IL1RAPL2: variants seen among roughly 807,000 people sequenced by gnomAD.
The protein encoded by IL1RAPL2 is interleukin 1 receptor accessory protein like 2.
A neutral mutation model predicts 44.1 loss-of-function variants in IL1RAPL2; 3 were observed. The ratio of observed to expected loss-of-function variants is 0.07; its 90% CI spans 0.03 to 0.18. The LOEUF (loss-of-function observed/expected upper bound fraction) is 0.18, where lower values mean the gene tolerates loss of function less well. Among genes scored for constraint, IL1RAPL2 ranks in the 10% least tolerant of loss-of-function variants. The pLI is 1.00. For synonymous variants in IL1RAPL2, 181 were observed against 178.8 expected (o/e 1.01, Z -0.10); for missense variants, 391 against 496.4 (o/e 0.79, Z 2.02).
At chrX:105,443,954 C>T (rs1226180093) in intron 5 of IL1RAPL2, among the ~76,000 whole-genome samples, 1 of 112,042 alleles carries the variant, frequency 8.9e-6, no homozygotes, top group African/African-American at 3.2e-5. Context: ...TTTACATTTC[C>T]ACCAACAGTG....
At chrX:104,878,848 G>A (rs938566665) in intron 2 of IL1RAPL2, among the ~76,000 whole-genome samples, 7 of 109,335 alleles carry the variant, frequency 6.4e-5, no homozygotes, top group African/African-American at 2.3e-4. Flanking sequence ...CTTTTTTTTT[G>A]AATGAACAAA....
intron 2 of IL1RAPL2, among the ~76,000 whole-genome samples, chrX:105,001,397 C>T (rs2030848684): frequency 9.0e-6 from 1 of 111,187 alleles, no homozygotes; most frequent in Non-Finnish European, 1.9e-5. Flanking sequence ...GAGAGTCATT[C>T]TCTTTTGGCC....
intron 3 of IL1RAPL2, among the ~76,000 whole-genome samples, chrX:105,223,019 G>T (rs781887260): frequency 9.1e-6 from 1 of 110,315 alleles, no homozygotes; most frequent in Non-Finnish European, 1.9e-5. Flanking sequence ...GCGTAATGGC[G>T]CACGCCTGTA....
At chrX:105,461,687 A>G (rs1169086206) in intron 5 of IL1RAPL2, among the ~76,000 whole-genome samples, 2 of 111,612 alleles carry the variant, frequency 1.8e-5, no homozygotes, top group Non-Finnish European at 3.8e-5. Flanking sequence ...TTCAGAGAAC[A>G]ATCCTATCCT....
At chrX:104,611,384 C>T (rs778300863) in intron 1 of IL1RAPL2, among the ~76,000 whole-genome samples, 1 of 111,113 alleles carries the variant, frequency 9.0e-6, no homozygotes, top group East Asian at 2.9e-4. Context: ...AGGCAGTTGG[C>T]CTTGCTGAGC....
At position 104,946,298 on chromosome X, in the gene IL1RAPL2, G is replaced by A. The variant is rs1378620670; in HGVS notation, c.83-249177G>A. ...TGAGGCAGGAGAATGGCGTGAACCCGGGAAGCGGAGCTTGCAGTGAGCCGA... is the reference window on the plus strand; with the variant it reads ...TGAGGCAGGAGAATGGCGTGAACCCAGGAAGCGGAGCTTGCAGTGAGCCGA... On this transcript the variant is annotated intron_variant, in intron 2 of 10. Transcript: ENST00000372582. Among the ~76,000 whole-genome samples the A allele has an allele frequency of 3.3e-4, 30 of 89,801 alleles. 1 individual carries two copies. Among genetic ancestry groups the A allele is most frequent in the Admixed American group, 2.3e-3 (17 of 7,455 alleles). 78.0% of individuals were successfully genotyped at this position (89,801 alleles called of 115,157 possible).
At chrX:104,895,456 T>G (rs1280205155) in intron 2 of IL1RAPL2, among the ~76,000 whole-genome samples, 1 of 112,588 alleles carries the variant, frequency 8.9e-6, no homozygotes, top group East Asian at 2.8e-4. Flanking sequence ...CCTGGCCACT[T>G]TGTTTACCTA....
chrX:105,219,595 A>G (rs2033922526), intron 3 of IL1RAPL2: 2 of 1,209,959 alleles, frequency 1.7e-6, no homozygotes, highest in Admixed American at 4.3e-5. Context: ...CACAACCTCC[A>G]CATCCCTCTG....
chrX:105,037,763 G>T (rs2031655038), intron 2 of IL1RAPL2, among the ~76,000 whole-genome samples: 1 of 111,417 alleles, frequency 9.0e-6, no homozygotes, highest in Admixed American at 9.6e-5. Flanking sequence ...TATTAAATAG[G>T]CAAATGCAAC....
chrX:104,817,349 G>A (rs1023114899), intron 2 of IL1RAPL2, among the ~76,000 whole-genome samples: 6 of 112,230 alleles, frequency 5.3e-5, no homozygotes, highest in Non-Finnish European at 1.1e-4. Context: ...GGGGGAACAT[G>A]GGTTCTGGTT....
intron 2 of IL1RAPL2, among the ~76,000 whole-genome samples, chrX:104,831,151 A>G (rs1473989046): frequency 2.7e-5 from 3 of 111,462 alleles, no homozygotes; most frequent in African/African-American, 6.5e-5. Context: ...CTTCTTAGGT[A>G]TTTTGTCTGT....
In IL1RAPL2 at chrX:105,670,146, T is replaced by TATATATATATA. The variant is rs1301114173; in HGVS notation, c.773-47219_773-47218insATATATATAAT. Among the ~76,000 whole-genome samples the TATATATATATA allele has an allele frequency of 4.9e-3, 226 of 46,320 alleles. 29 individuals carry two copies. The highest frequency in any genetic ancestry group is 0.014 in the Middle Eastern group (1 of 74). 40.2% of individuals were successfully genotyped at this position (46,320 alleles called of 115,157 possible). Reference sequence around the variant, plus strand: ...ATATATATATATATATATATATATATATCTCCACCAGACCACACAGTCTTG... The same window carrying TATATATATATA: ...ATATATATATATATATATATATATATATATATATATAATCTCCACCAGACCACACAGTCTTG... On this transcript the variant is annotated intron_variant, in intron 6 of 10. Transcript: ENST00000372582.
intron 2 of IL1RAPL2, among the ~76,000 whole-genome samples, chrX:104,677,397 G>A (rs1372146122): frequency 1.8e-5 from 2 of 111,100 alleles, no homozygotes; most frequent in African/African-American, 6.6e-5. Flanking sequence ...GTGCCTCCCA[G>A]TTAGGGTGCT....
intron 2 of IL1RAPL2, among the ~76,000 whole-genome samples, chrX:104,771,475 A>C (rs1171811329): frequency 2.7e-5 from 3 of 112,667 alleles, no homozygotes; most frequent in Admixed American, 9.4e-5. Context: ...ATTTTGTATT[A>C]GATAAGGTGT....
chrX:104,569,763 A>C (rs751597419), intron 1 of IL1RAPL2, among the ~76,000 whole-genome samples: 1 of 112,416 alleles, frequency 8.9e-6, no homozygotes, highest in Non-Finnish European at 1.9e-5. Flanking sequence ...AAAGATTGGG[A>C]AGGTGAAATG....
At chrX:105,287,323 A>G (rs2034579347) in intron 5 of IL1RAPL2, among the ~76,000 whole-genome samples, 1 of 111,597 alleles carries the variant, frequency 9.0e-6, no homozygotes, top group Middle Eastern at 4.6e-3. Context: ...TAGAGGGATC[A>G]TGGTGAATAC....
In IL1RAPL2 at chrX:105,219,990, G is replaced by A. The variant is rs183606927; in HGVS notation, c.357-13828G>A. On this transcript the variant is annotated intron_variant, in intron 3 of 10. Coordinates refer to ENST00000372582, the MANE Select transcript of IL1RAPL2 (RefSeq NM_017416.2). ...TGTCTCTCTCTTTCTGCACCTCCAC[G>A]AGGCTGGTCTGGGCCATTCTTAGCC... 4.4e-3 allele frequency: 5,251 copies of A among 1,204,997 alleles called. 109 individuals are homozygous for A. The African/African-American group carries it at 0.065, about 15-fold the overall frequency.
chrX:105,682,105 T>C (rs2037931359), intron 6 of IL1RAPL2, among the ~76,000 whole-genome samples: 1 of 112,001 alleles, frequency 8.9e-6, no homozygotes, highest in Non-Finnish European at 1.9e-5. Context: ...CAATACAAGA[T>C]AGTTAAGCCT....
intron 2 of IL1RAPL2, among the ~76,000 whole-genome samples, chrX:104,808,451 C>A (rs1257231644): frequency 1.8e-5 from 2 of 111,320 alleles, no homozygotes; most frequent in East Asian, 2.8e-4. Context: ...TTAGACTTTC[C>A]CCTGAAGGGA....
Sources: gnomAD v4.1 joint callset for allele counts (sites outside exome capture counted in the v4.1 genomes callset) on GRCh38, gnomAD v4.1.1 for gene constraint, MANE v1.5 for transcripts, NCBI Gene and HGNC (gene_info 2026-07-23, HGNC 2026-07-21) for gene names.